The following SSPN variants were observed in gnomAD, a reference collection of about 807,000 sequenced individuals.
SSPN encodes the protein sarcospan.
A neutral mutation model predicts 19.1 loss-of-function variants in SSPN; 15 were observed. That is an observed-to-expected ratio of 0.78 (90% CI 0.52 to 1.21). SSPN has a LOEUF of 1.21. SSPN is among the 50% of genes most tolerant of loss of function. The pLI is 0.00. For missense variants in SSPN, 291 were observed against 314.0 expected (o/e 0.93, Z 0.55); for synonymous variants, 147 against 140.3 (o/e 1.05, Z -0.34).
chr12:26,160,665 T>C (rs74732690), intron 1 of SSPN, among the ~76,000 whole-genome samples: 5,881 of 152,304 alleles, frequency 0.039, 147 homozygotes, highest in South Asian at 0.069. Flanking sequence ...CATAGCCTGC[T>C]ATCACCCTAG....
intron 1 of SSPN, among the ~76,000 whole-genome samples, chr12:26,157,479 C>T (rs1944562691): frequency 6.6e-6 from 1 of 152,114 alleles, no homozygotes; most frequent in Non-Finnish European, 1.5e-5. Flanking sequence ...CATCCTCAGG[C>T]CTACAAAAAT....
chr12:26,184,815 G>GT lies in SSPN; in HGVS notation c.-30-39470dup, dbSNP rs201429028. On this transcript the variant is annotated intron_variant, in intron 1 of 2. Coordinates refer to the SSPN transcript ENST00000538142. ...AAAACTTAGTTTTCAAAACTAAGGGGTTTTTTTTACATCATAATGTAATAT... is the reference window on the plus strand; with the variant it reads ...AAAACTTAGTTTTCAAAACTAAGGGGTTTTTTTTTACATCATAATGTAATAT... Among the ~76,000 whole-genome samples, 799 of 151,936 alleles carry GT rather than the reference G, an allele frequency of 5.3e-3. 8 individuals carry two copies. Among genetic ancestry groups the GT allele is most frequent in the Admixed American group, 0.011 (169 of 15,248 alleles).
chr12:26,233,692 A>C lies in SSPN; in HGVS notation c.*2616A>C, dbSNP rs557164123. 2 of 152,352 alleles carry C rather than the reference A, an allele frequency of 1.3e-5. No individual in the cohort carries two copies. Among genetic ancestry groups the C allele is most frequent in the South Asian group, 2.1e-4 (1 of 4,828 alleles). 9.4% of individuals were successfully genotyped at this position (152,352 alleles called of 1,614,324 possible). On this transcript the variant is annotated 3_prime_UTR_variant, in exon 3 of 3. Transcript: ENST00000242729. The surrounding 1 kb of genome is among the most constrained non-coding windows in gnomAD (Gnocchi z 4.3). ...TACATTTAAAATCTGACAAGGCGCC[A>C]AGATGGTGACTGTCTCCTCTAAACC...
chr12:26,188,860 T>C (rs1044151786), intron 1 of SSPN, among the ~76,000 whole-genome samples: 1 of 152,148 alleles, frequency 6.6e-6, no homozygotes, highest in African/African-American at 2.4e-5. Flanking sequence ...GGGATGTCTG[T>C]CCACACAGCA....
intron 1 of SSPN, among the ~76,000 whole-genome samples, chr12:26,159,153 G>A (rs568917468): frequency 3.3e-5 from 5 of 152,324 alleles, no homozygotes; most frequent in East Asian, 1.9e-4. Context: ...TGCCTGGAGT[G>A]CAGAACCAGC....
At chr12:26,177,016 T>C (rs995503638) in intron 1 of SSPN, among the ~76,000 whole-genome samples, 53 of 152,328 alleles carry the variant, frequency 3.5e-4, no homozygotes, top group African/African-American at 1.3e-3. Flanking sequence ...AGTGGGACTT[T>C]GCAAGGTTTT....
In SSPN at chr12:26,230,856, C is replaced by A. The variant is rs778273599; in HGVS notation, c.512C>A (p.Pro171Gln). Residue 171 changes from proline (P) to glutamine (Q), a missense_variant, in exon 3 of 3, where the codon CCG becomes CAG. Coordinates refer to ENST00000242729, the MANE Select transcript of SSPN (RefSeq NM_005086.5). ...CAGTGCAAACTGCCCTCCTCGGAGC[C>A]GCTCAGCAGGACCTTTGTTTACCGG... ...SCQCKLPSSE[P>Q]LSRTFVYRDV... 13 of 1,614,190 alleles carry A rather than the reference C, an allele frequency of 8.1e-6. No homozygotes were observed. The highest frequency in any genetic ancestry group is 1.1e-5 in the Non-Finnish European group (13 of 1,180,044).
chr12:26,209,723 T>C (rs1479676021), intron 1 of SSPN, among the ~76,000 whole-genome samples: 2 of 152,140 alleles, frequency 1.3e-5, no homozygotes, highest in East Asian at 3.8e-4. Flanking sequence ...TGTGTTTGTT[T>C]TGAATGTACT....
intron 1 of SSPN, among the ~76,000 whole-genome samples, chr12:26,163,481 C>T (rs192108071): frequency 2.2e-3 from 329 of 152,278 alleles, no homozygotes; most frequent in Admixed American, 4.6e-3. Context: ...TCTCACAGTT[C>T]TAGAGGCTGA....
At chr12:26,140,638 C>T (rs1433158367) in intron 1 of SSPN, among the ~76,000 whole-genome samples, 1 of 152,140 alleles carries the variant, frequency 6.6e-6, no homozygotes, top group Non-Finnish European at 1.5e-5. Flanking sequence ...TGAGATCTGG[C>T]TGTTTAAAAT....
At chr12:26,142,339 G>GTCCTACT (rs1944465752) in intron 1 of SSPN, among the ~76,000 whole-genome samples, 1 of 152,196 alleles carries the variant, frequency 6.6e-6, no homozygotes, top group Non-Finnish European at 1.5e-5. Flanking sequence ...CAAGATGAAA[G>GTCCTACT]GTTGTAGGAC....
intron 1 of SSPN, among the ~76,000 whole-genome samples, chr12:26,159,001 G>T (rs1944572152): frequency 6.6e-6 from 1 of 152,350 alleles, no homozygotes; most frequent in East Asian, 1.9e-4. Context: ...GCTCTCCTTT[G>T]CCCTGTTGCT....
intron 1 of SSPN, among the ~76,000 whole-genome samples, chr12:26,183,365 C>T (rs1944732116): frequency 6.6e-6 from 1 of 152,204 alleles, no homozygotes. Context: ...TGGCCCTCCT[C>T]AGCCTCTCAA....
intron 1 of SSPN, among the ~76,000 whole-genome samples, chr12:26,133,702 A>G (rs534388622): frequency 6.6e-6 from 1 of 152,340 alleles, no homozygotes; most frequent in East Asian, 1.9e-4. Flanking sequence ...TCCAGAAGCT[A>G]CTGTAAACCT....
chr12:26,122,135 G>C (rs2137384634), exon 1 of SSPN: 3 of 1,548,974 alleles, frequency 1.9e-6, no homozygotes, highest in South Asian at 1.2e-5. Context: ...CCGGCTCGCG[G>C]GGCCCGGCGA....
chr12:26,182,639 CT>C, intron 1 of SSPN, among the ~76,000 whole-genome samples: 2 of 102,652 alleles, frequency 1.9e-5, no homozygotes, highest in African/African-American at 5.9e-5. Context: ...CTTCCCTTCC[CT>C]TCCCTTCCCT....
intron 1 of SSPN, chr12:26,180,275 G>T (rs12304774): frequency 6.6e-6 from 1 of 152,206 alleles, no homozygotes; most frequent in Non-Finnish European, 1.5e-5. Flanking sequence ...TCAAGATCTA[G>T]ATCATTAGCT....
intron 1 of SSPN, among the ~76,000 whole-genome samples, chr12:26,181,814 T>C (rs1944720091): frequency 6.6e-6 from 1 of 152,120 alleles, no homozygotes. Flanking sequence ...AAACAGGAGG[T>C]CAAAGATTGC....
intron 1 of SSPN, among the ~76,000 whole-genome samples, chr12:26,187,270 T>G (rs751049257): frequency 3.9e-5 from 6 of 152,246 alleles, no homozygotes; most frequent in Non-Finnish European, 8.8e-5. Flanking sequence ...ACAGACCATG[T>G]TGGTGTGGGT....
Sources: gnomAD v4.1 joint callset for allele counts (sites outside exome capture counted in the v4.1 genomes callset) on GRCh38, gnomAD v4.1.1 for gene constraint, Gnocchi (gnomAD v3.1) non-coding constraint, MANE v1.5 for transcripts, NCBI Gene and HGNC (gene_info 2026-07-23, HGNC 2026-07-21) for gene names.